P3H2: variants seen among roughly 807,000 people sequenced by gnomAD.
P3H2 encodes the protein prolyl 3-hydroxylase 2, also known as leprecan-like 1.
In P3H2, 80 loss-of-function variants were observed where a neutral mutation model predicts 87.0. The ratio of observed to expected loss-of-function variants is 0.92; its 90% CI spans 0.77 to 1.11. The LOEUF (loss-of-function observed/expected upper bound fraction) is 1.11. Ranked by LOEUF, P3H2 falls within the 50% of genes least tolerant of loss-of-function variation. The pLI is 0.00. For missense variants in P3H2, 1,001 were observed against 923.9 expected, an observed-to-expected ratio of 1.08 and a Z score of -1.08; for synonymous variants, 367 against 359.3, an observed-to-expected ratio of 1.02 and a Z score of -0.24.
intron 1 of P3H2, among the ~76,000 whole-genome samples, chr3:190,084,561 A>T (rs2108981546): frequency 6.6e-6 from 1 of 152,346 alleles, no homozygotes; most frequent in South Asian, 2.1e-4. Context: ...TAATAAATTA[A>T]TAATCACAGG....
At chr3:189,993,316 C>CT (rs1422975423) in intron 3 of P3H2, among the ~76,000 whole-genome samples, 2 of 87,268 alleles carry the variant, frequency 2.3e-5, no homozygotes, top group African/African-American at 7.5e-5. Context: ...GAGCGAAACT[C>CT]TGTCTCAAAA....
intron 1 of P3H2, among the ~76,000 whole-genome samples, chr3:190,029,139 G>T (rs1377151115): frequency 5.9e-5 from 9 of 152,196 alleles, no homozygotes; most frequent in Non-Finnish European, 1.3e-4. Flanking sequence ...TCGAGTGGGG[G>T]TGGTTAGTAT....
intron 1 of P3H2, among the ~76,000 whole-genome samples, chr3:190,076,527 T>C (rs1726882624): frequency 6.6e-6 from 1 of 152,204 alleles, no homozygotes; most frequent in African/African-American, 2.4e-5. Context: ...TCCACCTCCC[T>C]AGGTCTATCT....
intron 3 of P3H2, among the ~76,000 whole-genome samples, chr3:189,992,640 C>T (rs1205361661): frequency 6.6e-6 from 1 of 152,142 alleles, no homozygotes; most frequent in African/African-American, 2.4e-5. Flanking sequence ...AATATGAGTT[C>T]CAGCTTCACT....
At chr3:190,018,486 T>C (rs763765830) in intron 1 of P3H2, among the ~76,000 whole-genome samples, 1 of 152,074 alleles carries the variant, frequency 6.6e-6, no homozygotes, top group East Asian at 1.9e-4. Context: ...GGAGGGAGGA[T>C]TGCTTGAGGC....
chr3:190,103,926 G>C (rs1711731454), intron 1 of P3H2, among the ~76,000 whole-genome samples: 1 of 152,066 alleles, frequency 6.6e-6, no homozygotes, highest in East Asian at 1.9e-4. Flanking sequence ...CAAGTAGCTG[G>C]GATTACAGGT....
chr3:190,048,333 T>C (rs1666409), intron 1 of P3H2, among the ~76,000 whole-genome samples: 90,575 of 151,834 alleles, frequency 0.6, 28,336 homozygotes, highest in Admixed American at 0.72. Flanking sequence ...CCATCTCTAC[T>C]AAAAAATACA....
chr3:190,094,881 G>A (rs1459491169), intron 1 of P3H2, among the ~76,000 whole-genome samples: 1 of 152,136 alleles, frequency 6.6e-6, no homozygotes, highest in Admixed American at 6.5e-5. Context: ...GAAAAGGAAT[G>A]ACTAGAACAA....
intron 1 of P3H2, among the ~76,000 whole-genome samples, chr3:190,118,281 G>A (rs1039319699): frequency 1.3e-5 from 2 of 152,012 alleles, no homozygotes; most frequent in African/African-American, 4.8e-5. Context: ...CTCCAGATAT[G>A]AGAAAGGAAA....
rs185072909 is a variant in P3H2 at position 189,973,859 on chromosome 3, C to G, written c.1548+50G>C. 117 of 1,377,044 alleles carry G rather than the reference C, an allele frequency of 8.5e-5. 1 individual carries two copies. In the African/African-American group the frequency reaches 1.2e-3, roughly 14 times the overall value. The allele number at this position is 1,377,044 out of a possible 1,614,324, so 85.3% of individuals were successfully genotyped here. ...TTCTTATATCTGCCATTTACAGAAGCCTTAGGCTGACACTAAGGAACTCAA... is the reference window on the plus strand; with the variant it reads ...TTCTTATATCTGCCATTTACAGAAGGCTTAGGCTGACACTAAGGAACTCAA... On this transcript the variant is annotated intron_variant, in intron 10 of 14. Transcript: ENST00000319332.
intron 1 of P3H2, among the ~76,000 whole-genome samples, chr3:190,033,566 T>A (rs1181380434): frequency 6.6e-6 from 1 of 152,190 alleles, no homozygotes; most frequent in Non-Finnish European, 1.5e-5. Flanking sequence ...TTAGTACATG[T>A]CTATTTCTTT....
At chr3:190,041,020 C>A (rs1227820440) in intron 1 of P3H2, among the ~76,000 whole-genome samples, 1 of 52,690 alleles carries the variant, frequency 1.9e-5, no homozygotes, top group Non-Finnish European at 4.1e-5. Context: ...CATGGCTCTA[C>A]TATATATATA....
chr3:189,966,226 G>A (rs1463946080), intron 13 of P3H2, among the ~76,000 whole-genome samples: 1 of 152,076 alleles, frequency 6.6e-6, no homozygotes. Flanking sequence ...TGGGATGTTG[G>A]AATTTCAGGT....
At chr3:190,005,903 T>C (rs538025361) in intron 1 of P3H2, among the ~76,000 whole-genome samples, 3 of 152,182 alleles carry the variant, frequency 2.0e-5, no homozygotes, top group Admixed American at 1.3e-4. Context: ...AAAGAGATGG[T>C]TTTCATGATA....
At chr3:189,961,298 T>C (rs1204299615) in intron 14 of P3H2, among the ~76,000 whole-genome samples, 2 of 152,184 alleles carry the variant, frequency 1.3e-5, no homozygotes, top group African/African-American at 4.8e-5. Context: ...TTCACATCTG[T>C]TGACCACAAG....
At chr3:190,034,416 T>C (rs970271661) in intron 1 of P3H2, among the ~76,000 whole-genome samples, 8 of 152,214 alleles carry the variant, frequency 5.3e-5, no homozygotes, top group African/African-American at 1.9e-4. Flanking sequence ...AACACAATAA[T>C]TCAGAAGTTT....
In P3H2 at chr3:190,049,253, T is replaced by C. The variant is rs111738137; in HGVS notation, c.481-53811A>G. Among the ~76,000 whole-genome samples, 337 of 125,742 alleles carry C rather than the reference T, an allele frequency of 2.7e-3. 2 individuals are homozygous for C. Among genetic ancestry groups the C allele is most frequent in the Non-Finnish European group, 4.5e-3 (275 of 60,764 alleles). The allele number at this position is 125,742 out of a possible 152,430, so 82.5% of individuals were successfully genotyped here. ...CACATATGTGAGGCACTACCTAACA[T>C]TTCAATAGACACATGGTTTTTTTTT... On this transcript the variant is annotated intron_variant, in intron 1 of 14. Coordinates refer to ENST00000319332, the MANE Select transcript of P3H2 (RefSeq NM_018192.4).
intron 1 of P3H2, among the ~76,000 whole-genome samples, chr3:190,114,117 T>C (rs1325660676): frequency 2.7e-5 from 4 of 149,424 alleles, no homozygotes; most frequent in Non-Finnish European, 5.9e-5. Flanking sequence ...AAGGAATCCC[T>C]GATTAACCAA....
intron 11 of P3H2, among the ~76,000 whole-genome samples, chr3:189,972,302 T>A (rs1392293778): frequency 6.6e-6 from 1 of 152,128 alleles, no homozygotes; most frequent in African/African-American, 2.4e-5. Flanking sequence ...GTACTTCACA[T>A]AGGGCAGCAA....
Sources: allele counts gnomAD v4.1 joint callset (sites outside exome capture counted in the v4.1 genomes callset), GRCh38; gene constraint gnomAD v4.1.1; transcripts MANE v1.5; gene names NCBI Gene and HGNC (gene_info 2026-07-23, HGNC 2026-07-21).